The following COG4 variants were observed in gnomAD, a reference collection of about 807,000 sequenced individuals.
COG4 encodes conserved oligomeric Golgi complex subunit 4.
Under a neutral mutation model 95.1 loss-of-function variants are expected in COG4, and 65 were observed. The observed-to-expected ratio is 0.68, with a 90% CI of 0.56 to 0.84. The LOEUF (loss-of-function observed/expected upper bound fraction) is 0.84, where lower values mean the gene tolerates loss of function less well. Ranked by LOEUF, COG4 falls within the 40% of genes least tolerant of loss-of-function variation. The pLI is 0.00. For synonymous variants in COG4, 421 were observed against 374.8 expected, an observed-to-expected ratio of 1.12 and a Z score of -1.42; for missense variants, 1,045 against 989.1, an observed-to-expected ratio of 1.06 and a Z score of -0.76.
Position 70,519,644 on chromosome 16 carries a change from C to G in COG4, c.254+5G>C. 1.2e-6 allele frequency: 2 copies of G among 1,609,436 alleles called. No homozygotes were observed. The highest frequency in any genetic ancestry group is 8.5e-7 in the Non-Finnish European group (1 of 1,175,962). On this transcript the variant is annotated splice_donor_5th_base_variant and intron_variant, in intron 2 of 18. Coordinates refer to ENST00000323786, the MANE Select transcript of COG4 (RefSeq NM_015386.3). ...ATTAGCTCTTGCTGAGATGCACAGA[C>G]TCACCCCATTCGGTGGAGAGTGACC...
chr16:70,497,412 T>G, intron 10 of COG4, 25 bp from the exon 11 acceptor site: 2 of 1,609,666 alleles, frequency 1.2e-6, no homozygotes, highest in African/African-American at 1.3e-5. Context: ...AAGCCAACAC[T>G]GAGGGTCCCA....
At chr16:70,505,725 A>G (rs1214169299) in intron 8 of COG4, among the ~76,000 whole-genome samples, 1 of 151,748 alleles carries the variant, frequency 6.6e-6, no homozygotes. Flanking sequence ...GCTACTCAGG[A>G]GGCTGAGGCA....
chr16:70,506,956 A>C (rs2049590997), intron 8 of COG4, among the ~76,000 whole-genome samples: 1 of 152,172 alleles, frequency 6.6e-6, no homozygotes, highest in African/African-American at 2.4e-5. Context: ...TCATGCCTGT[A>C]ATCCCATCAC....
chr16:70,514,234 A>C, intron 4 of COG4, 101 bp downstream of exon 4: 1 of 1,145,020 alleles, frequency 8.7e-7, no homozygotes. Context: ...AGAAAAAAGA[A>C]AACTTCCTAA....
At chr16:70,522,016 A>T (rs905373002) in intron 1 of COG4, among the ~76,000 whole-genome samples, 9 of 141,494 alleles carry the variant, frequency 6.4e-5, no homozygotes, top group Non-Finnish European at 3.1e-5. Flanking sequence ...TTTTTTTAAG[A>T]GACACAATTT....
chr16:70,516,140 T>C, intron 3 of COG4: 2 of 440,064 alleles, frequency 4.5e-6, no homozygotes, highest in South Asian at 1.6e-5. Flanking sequence ...TGGTGTATTA[T>C]TAGGATGGTG....
At position 70,496,438 on chromosome 16, in the gene COG4, G is replaced by C. The variant is rs2049341542; in HGVS notation, c.1482-7C>G. The C allele has an allele frequency of 1.9e-6, 3 of 1,613,978 alleles. No homozygotes were observed. Among genetic ancestry groups the C allele is most frequent in the Non-Finnish European group, 2.5e-6 (3 of 1,180,014 alleles). On this transcript the variant is annotated splice_polypyrimidine_tract_variant and splice_region_variant and intron_variant, in intron 11 of 18. Coordinates refer to ENST00000323786, the MANE Select transcript of COG4 (RefSeq NM_015386.3). The stretch of plus-strand genomic sequence containing the variant: ...CTTATTACACAGAACATCCCTGGGG[G>C]GCAGGATTGCATAGAGGAATTGACA...
chr16:70,495,228 TAAAA>T (rs531628464), intron 12 of COG4, among the ~76,000 whole-genome samples: 4 of 118,826 alleles, frequency 3.4e-5, no homozygotes, highest in African/African-American at 9.2e-5. Flanking sequence ...CAGTCTTTAC[TAAAA>T]AAAAAAAAAA....
chr16:70,518,702 G>A (rs2049874851), intron 2 of COG4, among the ~76,000 whole-genome samples: 1 of 152,064 alleles, frequency 6.6e-6, no homozygotes, highest in Admixed American at 6.6e-5. Context: ...TCTCGGCCGG[G>A]CATGGTGGCT....
intron 8 of COG4, among the ~76,000 whole-genome samples, 187 bp downstream of exon 8, chr16:70,508,219 G>C (rs1374919178): frequency 6.6e-6 from 1 of 152,066 alleles, no homozygotes. Context: ...GCGCCCGGCT[G>C]ATTATGACTG....
intron 8 of COG4, among the ~76,000 whole-genome samples, chr16:70,506,625 A>AAAC (rs1567387185): frequency 7.6e-6 from 1 of 132,300 alleles, no homozygotes; most frequent in African/African-American, 3.3e-5. Context: ...AAACAAAAAA[A>AAAC]AAAACATTTA....
At chr16:70,509,690 A>G (rs754285299) in intron 6 of COG4, among the ~76,000 whole-genome samples, 1 of 152,206 alleles carries the variant, frequency 6.6e-6, no homozygotes. Flanking sequence ...ATTTATTCGT[A>G]CAGAGTTTGG....
At chr16:70,483,169 C>T (rs112990009) in intron 14 of COG4, among the ~76,000 whole-genome samples, 2 of 51,212 alleles carry the variant, frequency 3.9e-5, no homozygotes, top group African/African-American at 1.9e-4. Flanking sequence ...CCTCTCCCCA[C>T]CCCTTCCCTC....
chr16:70,514,159 A>C (rs557954726), intron 4 of COG4, among the ~76,000 whole-genome samples, 176 bp downstream of exon 4: 1 of 152,136 alleles, frequency 6.6e-6, no homozygotes, highest in African/African-American at 2.4e-5. Context: ...GCAGTAAGCC[A>C]AGATGGCACC....
In COG4 at chr16:70,501,035, T is replaced by A; in HGVS notation, c.1118A>T (p.Tyr373Phe). 2 of 1,613,976 alleles carry A rather than the reference T, an allele frequency of 1.2e-6. No individual in the cohort carries two copies. The highest frequency in any genetic ancestry group is 1.7e-6 in the Non-Finnish European group (2 of 1,179,950). ...VTLMNARSEL[Y>F]LRFLKKRISS... ...AATCCTCTTCTTGAGGAAGCGTAAG[T>A]ATAGCTCACTGCGGGCATTCATCAG... The change falls in exon 9 of 19, where the codon TAC (tyrosine) becomes TTC (phenylalanine). Residue 373 changes from tyrosine (Y) to phenylalanine (F), a missense_variant. Tyr to Phe is a conservative substitution (Grantham distance 22, BLOSUM62 3). Transcript: ENST00000323786.
chr16:70,516,107 T>A, intron 3 of COG4: 1 of 453,984 alleles, frequency 2.2e-6, no homozygotes, highest in Non-Finnish European at 4.4e-6. Flanking sequence ...ATCATGTGTT[T>A]TTTGTCCTTT....
intron 3 of COG4, among the ~76,000 whole-genome samples, chr16:70,517,020 C>G (rs2049835918): frequency 6.6e-6 from 1 of 152,088 alleles, no homozygotes; most frequent in East Asian, 1.9e-4. Context: ...CTGCCTCAGT[C>G]TCCCAAAGTG....
intron 5 of COG4, among the ~76,000 whole-genome samples, chr16:70,510,262 C>G (rs894374137): frequency 3.3e-5 from 5 of 152,212 alleles, no homozygotes; most frequent in Admixed American, 6.5e-5. Context: ...AAAATATGGA[C>G]TGCCATTAGC....
chr16:70,490,269 G>C, intron 13 of COG4, 61 bp downstream of exon 13: 1 of 1,301,928 alleles, frequency 7.7e-7, no homozygotes. Context: ...GTTTGTATAG[G>C]GCTCTATCTC....
Sources: gnomAD v4.1 joint callset for allele counts (sites outside exome capture counted in the v4.1 genomes callset) on GRCh38, gnomAD v4.1.1 for gene constraint, MANE v1.5 for transcripts, NCBI Gene and HGNC (gene_info 2026-07-23, HGNC 2026-07-21) for gene names.